Variants in PPP1R14C observed in about 807,000 individuals in gnomAD.
PPP1R14C encodes protein phosphatase 1 regulatory inhibitor subunit 14C.
In PPP1R14C, 16 loss-of-function variants were observed where a neutral mutation model predicts 20.4. The ratio of observed to expected loss-of-function variants is 0.78; its 90% confidence interval spans 0.53 to 1.19. The LOEUF is 1.19. PPP1R14C is among the 50% of genes most tolerant of loss of function. The pLI is 0.00. For missense variants in PPP1R14C, 211 were observed against 220.1 expected (o/e 0.96, Z 0.26); for synonymous variants, 91 against 91.0 (o/e 1.00, Z 0.00).
intron 1 of PPP1R14C, among the ~76,000 whole-genome samples, chr6:150,203,712 G>T (rs962561750): frequency 1.3e-5 from 2 of 152,180 alleles, no homozygotes; most frequent in African/African-American, 4.8e-5. Context: ...GGCTAGAACG[G>T]GCTTCTGCCC....
intron 1 of PPP1R14C, among the ~76,000 whole-genome samples, chr6:150,187,062 G>A (rs1004648738): frequency 6.6e-6 from 1 of 151,514 alleles, no homozygotes; most frequent in Admixed American, 6.6e-5. Flanking sequence ...TGCAACCTTC[G>A]CCTCCTGGGT....
At chr6:150,173,191 T>C (rs764511306) in intron 1 of PPP1R14C, among the ~76,000 whole-genome samples, 6 of 152,150 alleles carry the variant, frequency 3.9e-5, no homozygotes, top group Admixed American at 6.5e-5. Context: ...CAATCTTTAT[T>C]GAGATCTCCC....
chr6:150,202,832 C>T (rs1373734370), intron 1 of PPP1R14C, among the ~76,000 whole-genome samples: 1 of 152,194 alleles, frequency 6.6e-6, no homozygotes, highest in Non-Finnish European at 1.5e-5. Flanking sequence ...TAGTCTTGGT[C>T]TTTTGTTTTG....
intron 1 of PPP1R14C, among the ~76,000 whole-genome samples, chr6:150,177,933 C>T (rs1440828440): frequency 6.6e-6 from 1 of 152,204 alleles, no homozygotes; most frequent in Non-Finnish European, 1.5e-5. Flanking sequence ...TCCCTCATCA[C>T]TGTGTGGTTA....
At chr6:150,170,597 C>T (rs1404239156) in intron 1 of PPP1R14C, among the ~76,000 whole-genome samples, 1 of 152,276 alleles carries the variant, frequency 6.6e-6, no homozygotes, top group Admixed American at 6.5e-5. Context: ...GCTGGAATTA[C>T]AGGCGTGAGC....
chr6:150,189,915 T>TCCCCCAAC (rs777436603), intron 1 of PPP1R14C, among the ~76,000 whole-genome samples: 5 of 152,076 alleles, frequency 3.3e-5, no homozygotes, highest in South Asian at 4.2e-4. Flanking sequence ...CATAAATCTG[T>TCCCCCAAC]CCCCCAACCC....
intron 1 of PPP1R14C, among the ~76,000 whole-genome samples, chr6:150,189,211 G>A (rs1316833068): frequency 7.0e-6 from 1 of 143,230 alleles, no homozygotes; most frequent in Non-Finnish European, 1.5e-5. Flanking sequence ...CCTCCTTCTT[G>A]TAAGTTCTTT....
At chr6:150,204,308 T>C (rs1777915955) in intron 1 of PPP1R14C, among the ~76,000 whole-genome samples, 1 of 152,334 alleles carries the variant, frequency 6.6e-6, no homozygotes, top group Non-Finnish European at 1.5e-5. Flanking sequence ...CTGTGCGTGT[T>C]TAGTGTTCAT....
At chr6:150,213,107 A>T (rs1025675839) in intron 1 of PPP1R14C, among the ~76,000 whole-genome samples, 35 of 152,234 alleles carry the variant, frequency 2.3e-4, no homozygotes, top group African/African-American at 8.4e-4. Context: ...AACCGCACAG[A>T]TGAGATCTAA....
At chr6:150,243,398 G>A (rs1086203) in intron 3 of PPP1R14C, among the ~76,000 whole-genome samples, 68,348 of 151,772 alleles carry the variant, frequency 0.45, 16,507 homozygotes, top group African/African-American at 0.63. Flanking sequence ...GGCGGGTCTT[G>A]AACTCCTGAC....
At chr6:150,165,977 G>T (rs1226882543) in intron 1 of PPP1R14C, among the ~76,000 whole-genome samples, 1 of 152,138 alleles carries the variant, frequency 6.6e-6, no homozygotes, top group African/African-American at 2.4e-5. Flanking sequence ...GGTTGGTGTG[G>T]ACTCTGGATG....
chr6:150,155,603 T>C (rs1157884378), intron 1 of PPP1R14C, among the ~76,000 whole-genome samples: 1 of 152,198 alleles, frequency 6.6e-6, no homozygotes, highest in Non-Finnish European at 1.5e-5. Flanking sequence ...GCCAATACAC[T>C]GAGCAAATCT....
chr6:150,203,471 T>C (rs1184376746), intron 1 of PPP1R14C, among the ~76,000 whole-genome samples: 5 of 152,198 alleles, frequency 3.3e-5, no homozygotes, highest in African/African-American at 1.2e-4. Flanking sequence ...GATTCACAAT[T>C]TCCTCTCAGT....
At chr6:150,166,800 TTAGTTAA>T (rs1435417474) in intron 1 of PPP1R14C, among the ~76,000 whole-genome samples, 2 of 152,196 alleles carry the variant, frequency 1.3e-5, no homozygotes, top group Non-Finnish European at 2.9e-5. Flanking sequence ...TCGTTCTTAT[TTAGTTAA>T]TATCATGTCC....
chr6:150,212,062 T>A (rs997657419), intron 1 of PPP1R14C, among the ~76,000 whole-genome samples: 3 of 152,126 alleles, frequency 2.0e-5, no homozygotes, highest in African/African-American at 4.8e-5. Context: ...TGCCTGGCAT[T>A]TTTTTCTTTA....
chr6:150,223,942 T>C (rs561560887), intron 3 of PPP1R14C, among the ~76,000 whole-genome samples: 1 of 152,220 alleles, frequency 6.6e-6, no homozygotes, highest in Non-Finnish European at 1.5e-5. Flanking sequence ...ATCATTTAGA[T>C]TTTTCTCCTA....
At chr6:150,168,542 A>AAAAC (rs1185091719) in intron 1 of PPP1R14C, among the ~76,000 whole-genome samples, 1 of 148,802 alleles carries the variant, frequency 6.7e-6, no homozygotes, top group African/African-American at 2.5e-5. Context: ...TCAACAAAAC[A>AAAAC]AAACAAAACA....
At chr6:150,173,822 C>G (rs1161201253) in intron 1 of PPP1R14C, among the ~76,000 whole-genome samples, 1 of 151,966 alleles carries the variant, frequency 6.6e-6, no homozygotes, top group East Asian at 1.9e-4. Context: ...CCTGAGGCTC[C>G]TAAGCACCCC....
Position 150,234,045 on chromosome 6 carries a change from C to T in PPP1R14C, c.424-14701C>T, listed in dbSNP as rs570912807. On this transcript the variant is annotated intron_variant, in intron 3 of 3. Coordinates refer to ENST00000361131, the MANE Select transcript of PPP1R14C (RefSeq NM_030949.3). The stretch of plus-strand genomic sequence containing the variant: ...CATGGGGAGAGTGTGCGAATTCCCA[C>T]GCAGACAGTGGCTCTGTGGGGGAGT... 1.5e-4 allele frequency among the ~76,000 whole-genome samples: 23 copies of T among 152,304 alleles called. No homozygotes were observed. The East Asian group carries it at 2.9e-3, about 19-fold the overall frequency.
Sources: allele counts gnomAD v4.1 joint callset (sites outside exome capture counted in the v4.1 genomes callset), GRCh38; gene constraint gnomAD v4.1.1; transcripts MANE v1.5; gene names NCBI Gene and HGNC (gene_info 2026-07-23, HGNC 2026-07-21).